The following LEKR1 variants were observed in gnomAD, a reference collection of about 807,000 sequenced individuals.
LEKR1 encodes leucine, glutamate and lysine rich 1.
LEKR1 carries 59 observed loss-of-function variants against 72.4 expected under a neutral mutation model. The observed-to-expected ratio is 0.82, with a 90% confidence interval of 0.66 to 1.01. LEKR1 has a LOEUF of 1.01. Among genes scored for constraint, LEKR1 ranks in the 50% least tolerant of loss-of-function variants. LEKR1 has a pLI of 0.00. For missense variants in LEKR1, 728 were observed against 759.2 expected (o/e 0.96, Z 0.48); for synonymous variants, 257 against 263.2 (o/e 0.98, Z 0.23).
At chr3:157,003,742 C>T (rs1308838002) in intron 9 of LEKR1, among the ~76,000 whole-genome samples, 1 of 152,178 alleles carries the variant, frequency 6.6e-6, no homozygotes, top group Non-Finnish European at 1.5e-5. Context: ...CAGATATGGA[C>T]ATCTTTGGAG....
At chr3:157,002,300 A>G (rs1732076766) in intron 9 of LEKR1, among the ~76,000 whole-genome samples, 1 of 152,166 alleles carries the variant, frequency 6.6e-6, no homozygotes. Flanking sequence ...CTAAATTTCT[A>G]GCAAAAAGTC....
At chr3:156,891,973 C>T (rs913192600) in intron 3 of LEKR1, among the ~76,000 whole-genome samples, 1 of 151,790 alleles carries the variant, frequency 6.6e-6, no homozygotes, top group Non-Finnish European at 1.5e-5. Context: ...TCTGGTGTTA[C>T]CAATAAAAGA....
At chr3:157,011,551 T>C in intron 10 of LEKR1, 45 bp downstream of exon 10, 5 of 1,339,312 alleles carry the variant, frequency 3.7e-6, no homozygotes, top group Non-Finnish European at 5.4e-6. Context: ...TATTTGCATT[T>C]TAAAAATTCT....
chr3:157,028,093 T>C lies in LEKR1; in HGVS notation c.1369-10T>C. ...ATCGCCTACAAGCTAATATGAGATT[T>C]ATCTTACAGATATCTGACTTAATCA... is the stretch of plus-strand genomic sequence containing the variant. On this transcript the variant is annotated splice_polypyrimidine_tract_variant and intron_variant, in intron 11 of 12. Coordinates refer to ENST00000356539, the MANE Select transcript of LEKR1 (RefSeq NM_001004316.3). The C allele has an allele frequency of 6.5e-7, 1 of 1,533,724 alleles. No homozygotes were observed. Among genetic ancestry groups the C allele is most frequent in the Non-Finnish European group, 8.8e-7 (1 of 1,139,648 alleles).
chr3:156,966,439 G>A (rs62275831), intron 6 of LEKR1, among the ~76,000 whole-genome samples: 4,858 of 152,280 alleles, frequency 0.032, 116 homozygotes, highest in Non-Finnish European at 0.047. Flanking sequence ...CTAATACTGC[G>A]CTTTTCCAAT....
At chr3:156,856,854 G>A (rs963720196) in intron 3 of LEKR1, among the ~76,000 whole-genome samples, 1 of 151,966 alleles carries the variant, frequency 6.6e-6, no homozygotes, top group Non-Finnish European at 1.5e-5. Context: ...CACATCATAT[G>A]CAAATAGTGC....
At chr3:156,985,560 C>T (rs1043152259) in intron 7 of LEKR1, among the ~76,000 whole-genome samples, 1 of 152,138 alleles carries the variant, frequency 6.6e-6, no homozygotes, top group African/African-American at 2.4e-5. Context: ...TGAGGCCAGG[C>T]GTAGTGGCTC....
chr3:157,042,200 G>A (rs913768561), intron 12 of LEKR1, among the ~76,000 whole-genome samples: 3 of 152,196 alleles, frequency 2.0e-5, no homozygotes, highest in African/African-American at 7.2e-5. Flanking sequence ...AAGAATAGAA[G>A]TATCAATTTT....
At chr3:156,851,123 C>T (rs1261835626) in intron 2 of LEKR1, 1 of 151,448 alleles carries the variant, frequency 6.6e-6, no homozygotes, top group East Asian at 1.9e-4. Context: ...GGGCACCATA[C>T]TTTGAAACAC....
At position 156,988,923 on chromosome 3, in the gene LEKR1, C is replaced by A. The variant is rs189001506; in HGVS notation, c.828-3730C>A. Among the ~76,000 whole-genome samples the A allele has an allele frequency of 1.2e-3, 185 of 152,168 alleles. 1 individual carries two copies. The highest frequency in any genetic ancestry group is 4.3e-3 in the African/African-American group (177 of 41,516). On this transcript the variant is annotated intron_variant, in intron 7 of 12. Transcript: ENST00000356539. ...CTCGGCTCATTGCAACCTCCGCCTC[C>A]CGGGTTGACTCGATTCTCCTGCCTC...
chr3:156,880,858 A>G (rs1719228037), intron 3 of LEKR1, among the ~76,000 whole-genome samples: 1 of 152,248 alleles, frequency 6.6e-6, no homozygotes, highest in Admixed American at 6.5e-5. Context: ...ATGCAAATCA[A>G]TAAATGTAAT....
intron 3 of LEKR1, among the ~76,000 whole-genome samples, chr3:156,878,430 A>G (rs1267809509): frequency 6.6e-6 from 1 of 152,198 alleles, no homozygotes; most frequent in Admixed American, 6.6e-5. Context: ...GTACTTGTAC[A>G]GTTTTAAGCA....
chr3:157,036,758 A>G (rs1734996464), intron 12 of LEKR1, among the ~76,000 whole-genome samples: 1 of 152,208 alleles, frequency 6.6e-6, no homozygotes, highest in Non-Finnish European at 1.5e-5. Context: ...GAAGTTTCTT[A>G]GAATGTTGAG....
intron 3 of LEKR1, among the ~76,000 whole-genome samples, chr3:156,913,750 T>G (rs1723331782): frequency 6.6e-6 from 1 of 152,184 alleles, no homozygotes; most frequent in Non-Finnish European, 1.5e-5. Flanking sequence ...GAATGTCTGG[T>G]AAAGAGGAAA....
chr3:156,953,711 T>C (rs1727376040), intron 6 of LEKR1, among the ~76,000 whole-genome samples: 1 of 152,046 alleles, frequency 6.6e-6, no homozygotes, highest in South Asian at 2.1e-4. Flanking sequence ...TTCCTTTTTA[T>C]GGCTGCATAG....
intron 1 of LEKR1, among the ~76,000 whole-genome samples, chr3:156,828,148 AG>A (rs1405297722): frequency 6.6e-6 from 1 of 152,222 alleles, no homozygotes; most frequent in Non-Finnish European, 1.5e-5. Flanking sequence ...AAAGCTCATT[AG>A]TTTTTGGTTT....
chr3:156,876,461 T>C (rs184263584), intron 3 of LEKR1, among the ~76,000 whole-genome samples: 8 of 152,304 alleles, frequency 5.3e-5, no homozygotes, highest in East Asian at 1.9e-4. Context: ...TCCATGAGCA[T>C]TGGGTGTGTT....
At chr3:156,949,478 C>T (rs778482472) in intron 6 of LEKR1, among the ~76,000 whole-genome samples, 21 of 151,226 alleles carry the variant, frequency 1.4e-4, no homozygotes, top group Non-Finnish European at 2.7e-4. Context: ...TGTAGGTTTG[C>T]GTTTTTATTT....
intron 3 of LEKR1, among the ~76,000 whole-genome samples, chr3:156,889,147 T>C (rs1338690947): frequency 6.6e-6 from 1 of 152,198 alleles, no homozygotes; most frequent in Non-Finnish European, 1.5e-5. Context: ...GAGAGTTATT[T>C]AGTACCTCAT....
Sources: allele counts gnomAD v4.1 joint callset (sites outside exome capture counted in the v4.1 genomes callset), GRCh38; gene constraint gnomAD v4.1.1; transcripts MANE v1.5; gene names NCBI Gene and HGNC (gene_info 2026-07-23, HGNC 2026-07-21).